CNP: variants seen among roughly 807,000 people sequenced by gnomAD.
CNP encodes 2',3'-cyclic-nucleotide 3'-phosphodiesterase.
A neutral mutation model predicts 37.9 loss-of-function variants in CNP; 8 were observed. That is an observed-to-expected ratio of 0.21 (90% CI 0.12 to 0.38). CNP has a LOEUF of 0.38. Among genes scored for constraint, CNP ranks in the 10% least tolerant of loss-of-function variants. The probability of loss-of-function intolerance (pLI) is 1.00; values close to 1 mark genes in which losing one functional copy is unlikely to be tolerated. For missense variants in CNP, 457 were observed against 551.0 expected (o/e 0.83, Z 1.71); for synonymous variants, 237 against 238.3 (o/e 0.99, Z 0.05).
At position 41,968,900 on chromosome 17, in the gene CNP, A is replaced by G. The variant is rs1309034929; in HGVS notation, c.676+160A>G. On this transcript the variant is annotated intron_variant, in intron 2 of 3. Transcript: ENST00000393892. This position sits in a 1 kb window ranked among gnomAD's most constrained non-coding sequence, Gnocchi z 4.8. Reference sequence around the variant, plus strand: ...GGGGCAAGCGGTGCGTCCCAGTGGTAGCCTTGGGGAGTTGGCAGCACATTG... The same window carrying G: ...GGGGCAAGCGGTGCGTCCCAGTGGTGGCCTTGGGGAGTTGGCAGCACATTG... Among the ~76,000 whole-genome samples the G allele has an allele frequency of 1.3e-5, 2 of 152,180 alleles. No individual in the cohort carries two copies. Among genetic ancestry groups the G allele is most frequent in the African/African-American group, 4.8e-5 (2 of 41,444 alleles).
At position 41,968,810 on chromosome 17, in the gene CNP, A is replaced by C; in HGVS notation, c.676+70A>C. ...AGGGTGCTGCGGGCAAAGGACCATC[A>C]TTGTACTCAAAGGATGGAGCACGAA... On this transcript the variant is annotated intron_variant, in intron 2 of 3. Transcript: ENST00000393892. This position sits in a 1 kb window ranked among gnomAD's most constrained non-coding sequence, Gnocchi z 4.8. 1 of 1,468,936 alleles carries C rather than the reference A, an allele frequency of 6.8e-7. No individual in the cohort carries two copies. The highest frequency in any genetic ancestry group is 9.1e-7 in the Non-Finnish European group (1 of 1,098,336). The allele number at this position is 1,468,936 out of a possible 1,614,324, so 91.0% of individuals were successfully genotyped here.
In CNP at chr17:41,977,512, C is replaced by T; in HGVS notation, c.*3588C>T. On this transcript the variant is annotated 3_prime_UTR_variant, in exon 4 of 4. Coordinates refer to ENST00000393892, the MANE Select transcript of CNP (RefSeq NM_033133.5). ...TCCCGTGCAAAACATGCTACCTGAT[C>T]CCACTCCTAGGACATGTTCCCTTCT... 1 of 531,078 alleles carries T rather than the reference C, an allele frequency of 1.9e-6. No homozygotes were observed. Among genetic ancestry groups the T allele is most frequent in the South Asian group, 2.4e-5 (1 of 41,314 alleles). 32.9% of individuals were successfully genotyped at this position (531,078 alleles called of 1,614,324 possible).
rs1290432469 is a variant in CNP at position 41,974,297 on chromosome 17, T to G, written c.*373T>G. ...AGAGCTGGGTGAGTGGGGAGACACCTCAGAGCCCCGCAAAACCCACTGACC... is the reference window on the plus strand; with the variant it reads ...AGAGCTGGGTGAGTGGGGAGACACCGCAGAGCCCCGCAAAACCCACTGACC... On this transcript the variant is annotated 3_prime_UTR_variant, in exon 4 of 4. Coordinates refer to ENST00000393892, the MANE Select transcript of CNP (RefSeq NM_033133.5). The G allele has an allele frequency of 6.0e-6, 1 of 167,700 alleles. No individual in the cohort carries two copies. Among genetic ancestry groups the G allele is most frequent in the African/African-American group, 2.4e-5 (1 of 41,998 alleles). The allele number at this position is 167,700 out of a possible 1,614,324, so 10.4% of individuals were successfully genotyped here.
In CNP at chr17:41,966,807, C is replaced by A; in HGVS notation, c.-78C>A. 7.2e-7 allele frequency: 1 copy of A among 1,379,882 alleles called. No homozygotes were observed. 85.5% of individuals were successfully genotyped at this position (1,379,882 alleles called of 1,614,324 possible). On this transcript the variant is annotated 5_prime_UTR_variant, in exon 1 of 4. Transcript: ENST00000393892. Reference sequence around the variant, plus strand: ...CTCGGGTCGTGCCACCGCTGGACTCCCGTGTCCCTCCGCGCAGGCGGGCGG... The same window carrying A: ...CTCGGGTCGTGCCACCGCTGGACTCACGTGTCCCTCCGCGCAGGCGGGCGG...
chr17:41,976,979 T>TATATA lies in CNP; in HGVS notation c.*3056_*3060dup. On this transcript the variant is annotated 3_prime_UTR_variant, in exon 4 of 4. Transcript: ENST00000393892. Reference sequence around the variant, plus strand: ...GGTAGCTTCTGACCTCAGCATTATCTATATAGTACCTTTGCTCTTGCAGAG... The same window carrying TATATA: ...GGTAGCTTCTGACCTCAGCATTATCTATATAATATAGTACCTTTGCTCTTGCAGAG... The TATATA allele has an allele frequency of 1.5e-6, 1 of 650,954 alleles. No individual in the cohort carries two copies. The highest frequency in any genetic ancestry group is 3.0e-5 in the Admixed American group (1 of 33,524). The allele number at this position is 650,954 out of a possible 1,614,324, so 40.3% of individuals were successfully genotyped here.
In CNP at chr17:41,976,598, C is replaced by A. The variant is rs1555644854; in HGVS notation, c.*2674C>A. ...TTGCTCCACCCCACTCACAGAGACA[C>A]AGGGCATCCAACTGAGAAAACGAAA... On this transcript the variant is annotated 3_prime_UTR_variant, in exon 4 of 4. Transcript: ENST00000393892. 3 of 1,142,456 alleles carry A rather than the reference C, an allele frequency of 2.6e-6. No individual in the cohort carries two copies. Among genetic ancestry groups the A allele is most frequent in the African/African-American group, 1.6e-5 (1 of 62,756 alleles). The allele number at this position is 1,142,456 out of a possible 1,614,324, so 70.8% of individuals were successfully genotyped here.
intron 1 of CNP, 86 bp downstream of exon 1, chr17:41,966,973 A>G (rs2050906402): frequency 8.0e-7 from 1 of 1,247,990 alleles, no homozygotes; most frequent in African/African-American, 1.6e-5. Context: ...CGTCTTGCAA[A>G]CGAGGACCCG....
chr17:41,973,976 G>T lies in CNP; in HGVS notation c.*52G>T. On this transcript the variant is annotated 3_prime_UTR_variant, in exon 4 of 4. Transcript: ENST00000393892. Reference sequence around the variant, plus strand: ...AGAAGGGAAGGGGAGAGGGAAACGTGCCCTCTGTTTGATCCTTGTTTTGTG... The same window carrying T: ...AGAAGGGAAGGGGAGAGGGAAACGTTCCCTCTGTTTGATCCTTGTTTTGTG... 7 of 1,305,832 alleles carry T rather than the reference G, an allele frequency of 5.4e-6. No homozygotes were observed. The highest frequency in any genetic ancestry group is 2.0e-5 in the South Asian group (1 of 49,942). 80.9% of individuals were successfully genotyped at this position (1,305,832 alleles called of 1,614,324 possible). A position where few individuals can be genotyped will look rare whatever the true frequency, so the allele number is the denominator to read the frequency against.
At chr17:41,972,573 A>G (rs2051006184) in intron 3 of CNP, among the ~76,000 whole-genome samples, 2 of 152,116 alleles carry the variant, frequency 1.3e-5, no homozygotes, top group African/African-American at 2.4e-5. Flanking sequence ...CATGTCACCC[A>G]TATCCACAGT....
chr17:41,969,807 T>C lies in CNP; in HGVS notation c.676+1067T>C, dbSNP rs556500348. On this transcript the variant is annotated intron_variant, in intron 2 of 3. Coordinates refer to ENST00000393892, the MANE Select transcript of CNP (RefSeq NM_033133.5). ...CTGACCTCAGGTGATCCGCTTGCCTTGGCCTCCCAAAGTGCTGGGATTACA... is the reference window on the plus strand; with the variant it reads ...CTGACCTCAGGTGATCCGCTTGCCTCGGCCTCCCAAAGTGCTGGGATTACA... Among the ~76,000 whole-genome samples, 213 of 152,276 alleles carry C rather than the reference T, an allele frequency of 1.4e-3. 1 individual carries two copies. Among genetic ancestry groups the C allele is most frequent in the African/African-American group, 4.9e-3 (203 of 41,554 alleles).
chr17:41,973,374 A>G, intron 3 of CNP, 101 bp from the exon 4 acceptor site: 2 of 1,130,046 alleles, frequency 1.8e-6, no homozygotes, highest in Non-Finnish European at 2.6e-6. Flanking sequence ...CACTTCTGTT[A>G]GACTTCCCCT....
At chr17:41,969,875 G>A (rs1397934151) in intron 2 of CNP, among the ~76,000 whole-genome samples, 1 of 152,130 alleles carries the variant, frequency 6.6e-6, no homozygotes, top group Non-Finnish European at 1.5e-5. Context: ...AATTTTAGAT[G>A]ATCTTCATGC....
intron 1 of CNP, 77 bp downstream of exon 1, chr17:41,966,964 G>A: frequency 7.9e-7 from 1 of 1,262,428 alleles, no homozygotes; most frequent in South Asian, 2.7e-5. Flanking sequence ...GGGAGGAAGC[G>A]TCTTGCAAAC....
At position 41,974,004 on chromosome 17, in the gene CNP, A is replaced by ATTTTTTTT; in HGVS notation, c.*93_*100dup. 2 of 838,222 alleles carry ATTTTTTTT rather than the reference A, an allele frequency of 2.4e-6. No homozygotes were observed. Among genetic ancestry groups the ATTTTTTTT allele is most frequent in the Non-Finnish European group, 3.2e-6 (2 of 630,002 alleles). The allele number at this position is 838,222 out of a possible 1,614,324, so 51.9% of individuals were successfully genotyped here. ...CTCTGTTTGATCCTTGTTTTGTGACATTTTTTTTTTTTTTTTTTTTACTCA... is the reference window on the plus strand; with the variant it reads ...CTCTGTTTGATCCTTGTTTTGTGACATTTTTTTTTTTTTTTTTTTTTTTTTTTTACTCA... On this transcript the variant is annotated 3_prime_UTR_variant, in exon 4 of 4. Coordinates refer to ENST00000393892, the MANE Select transcript of CNP (RefSeq NM_033133.5).
chr17:41,977,025 T>TA lies in CNP; in HGVS notation c.*3102dup, dbSNP rs372435817. ...CAGAGAAGCCTTGGTACTAGGCAGTTAGAGATGCCTCCCTGACCCTGCAGA... is the reference window on the plus strand; with the variant it reads ...CAGAGAAGCCTTGGTACTAGGCAGTTAAGAGATGCCTCCCTGACCCTGCAGA... On this transcript the variant is annotated 3_prime_UTR_variant, in exon 4 of 4. Coordinates refer to ENST00000393892, the MANE Select transcript of CNP (RefSeq NM_033133.5). 2.1e-4 allele frequency: 137 copies of TA among 639,150 alleles called. No individual in the cohort carries two copies. The African/African-American group carries it at 2.2e-3, about 10-fold the overall frequency. 39.6% of individuals were successfully genotyped at this position (639,150 alleles called of 1,614,324 possible).
rs1555643211 is a variant in CNP, at chr17:41,968,233, G to T, written c.169G>T (p.Gly57Cys). The T allele has an allele frequency of 6.2e-7, 1 of 1,614,190 alleles. No homozygotes were observed. ...LECKTLFILR[G>C]LPGSGKSTLA... ...GTGCAAGACGCTCTTCATCTTGCGC[G>T]GCCTGCCAGGAAGCGGCAAGTCCAC... Residue 57 changes from glycine (G) to cysteine (C), a missense_variant, in exon 2 of 4, where the codon GGC becomes TGC. Coordinates refer to ENST00000393892, the MANE Select transcript of CNP (RefSeq NM_033133.5). The surrounding 1 kb of genome is among the most constrained non-coding windows in gnomAD (Gnocchi z 4.8).
rs1386319140 is a variant in CNP at position 41,968,105 on chromosome 17, C to T, written c.41C>T (p.Pro14Leu). 2.0e-5 allele frequency: 32 copies of T among 1,614,154 alleles called. No individual in the cohort carries two copies. The highest frequency in any genetic ancestry group is 2.7e-5 in the Non-Finnish European group (32 of 1,179,974). ...GFSRKSHTFL[P>L]KIFFRKMSSS... ...TCCCGAAAAAGCCACACATTCCTGCCCAAGATCTTCTTCCGCAAGATGTCA... is the reference window on the plus strand; with the variant it reads ...TCCCGAAAAAGCCACACATTCCTGCTCAAGATCTTCTTCCGCAAGATGTCA... The change falls in exon 2 of 4, where the codon CCC (proline) becomes CTC (leucine). Residue 14 changes from proline to leucine, a missense_variant. Physicochemically the swap from Pro to Leu is moderately conservative, Grantham distance 98 (BLOSUM62 -3). Around this residue, in one of 2 missense-constraint regions of CNP, gnomAD observed 166 missense variants for 259.3 expected, o/e 0.64. Transcript: ENST00000393892. This position sits in a 1 kb window ranked among gnomAD's most constrained non-coding sequence, Gnocchi z 4.8.
Position 41,974,204 on chromosome 17 carries a change from C to T in CNP, c.*280C>T, listed in dbSNP as rs1049370045. 5.3e-5 allele frequency: 14 copies of T among 263,006 alleles called. No homozygotes were observed. Among genetic ancestry groups the T allele is most frequent in the African/African-American group, 2.7e-4 (12 of 45,238 alleles). The allele number at this position is 263,006 out of a possible 1,614,324, so 16.3% of individuals were successfully genotyped here. A position where few individuals can be genotyped will look rare whatever the true frequency, so the allele number is the denominator to read the frequency against. On this transcript the variant is annotated 3_prime_UTR_variant, in exon 4 of 4. Coordinates refer to ENST00000393892, the MANE Select transcript of CNP (RefSeq NM_033133.5). The stretch of plus-strand genomic sequence containing the variant: ...GGCCAAGCCAGGGATGGGGCCACAG[C>T]CAGAACCCCGAGCCCTACTTCCAGG...
chr17:41,967,770 TAA>T, intron 1 of CNP: 2 of 1,190,324 alleles, frequency 1.7e-6, no homozygotes, highest in South Asian at 2.6e-5. Context: ...GCCAAGCATA[TAA>T]GAGTGAGGCC....
Sources: gnomAD v4.1 joint callset for allele counts (sites outside exome capture counted in the v4.1 genomes callset) on GRCh38, gnomAD v4.1.1 for gene constraint, gnomAD v4.1.1 regional missense constraint, Gnocchi (gnomAD v3.1) non-coding constraint, MANE v1.5 for transcripts, NCBI Gene and HGNC (gene_info 2026-07-23, HGNC 2026-07-21) for gene names.